Variants in XG observed in about 807,000 individuals in gnomAD.
The protein encoded by XG is glycoprotein Xg.
XG carries 24 observed loss-of-function variants against 25.7 expected under a neutral mutation model. The ratio of observed to expected loss-of-function variants is 0.93; its 90% confidence interval spans 0.68 to 1.31. The LOEUF is 1.31. XG is among the 40% of genes most tolerant of loss of function. XG has a pLI of 0.00. For missense variants in XG, 181 were observed against 187.6 expected (o/e 0.96, Z 0.21); for synonymous variants, 77 against 69.2 (o/e 1.11, Z -0.56).
intron 3 of XG, among the ~76,000 whole-genome samples, chrX:2,777,376 G>T (rs923600702): frequency 7.2e-5 from 11 of 152,058 alleles, no homozygotes; most frequent in South Asian, 4.1e-4. Context: ...TGAACTAGTG[G>T]ATGAAAATGA....
intron 7 of XG, among the ~76,000 whole-genome samples, chrX:2,804,709 C>G (rs1349827881): frequency 9.0e-6 from 1 of 111,712 alleles, no homozygotes; most frequent in African/African-American, 3.2e-5. Flanking sequence ...GAGCCCTGAT[C>G]GTTTCCTGTT....
intron 3 of XG, among the ~76,000 whole-genome samples, chrX:2,778,775 CT>C (rs1177625639): frequency 0.1 from 13,970 of 139,986 alleles, 634 homozygotes; most frequent in Middle Eastern, 0.15. Flanking sequence ...TCATGCGATA[CT>C]TTTTTTTTTT....
At chrX:2,765,418 C>A (rs1257115897) in intron 1 of XG, among the ~76,000 whole-genome samples, 1 of 115,556 alleles carries the variant, frequency 8.7e-6, no homozygotes, top group Non-Finnish European at 2.0e-5. Flanking sequence ...AGGAAGGAAA[C>A]AATTGCTTGA....
At chrX:2,788,336 A>C (rs1438089779) in intron 4 of XG, among the ~76,000 whole-genome samples, 4 of 112,521 alleles carry the variant, frequency 3.6e-5, no homozygotes, top group African/African-American at 1.3e-4. Flanking sequence ...GTCCAGCGAC[A>C]AAAAGGTGCT....
Position 2,774,591 on chromosome X carries a change from T to C in XG, c.104-125T>C. On this transcript the variant is annotated intron_variant, in intron 2 of 10. Transcript: ENST00000644266. ...CAATTCAACATGGAATTTGTGTCTATATCATTTACTTTGTATGGCTTTGTC... is the reference window on the plus strand; with the variant it reads ...CAATTCAACATGGAATTTGTGTCTACATCATTTACTTTGTATGGCTTTGTC... 4 of 1,040,556 alleles carry C rather than the reference T, an allele frequency of 3.8e-6. No individual in the cohort carries two copies. In the Admixed American group the frequency reaches 7.4e-5, roughly 19 times the overall value. 64.5% of individuals were successfully genotyped at this position (1,040,556 alleles called of 1,614,324 possible).
chrX:2,767,437 GGGGTTTA>G (rs1318153856), intron 1 of XG, among the ~76,000 whole-genome samples: 8 of 152,206 alleles, frequency 5.3e-5, no homozygotes, highest in Admixed American at 5.2e-4. Flanking sequence ...TTTCTTCTTG[GGGGTTTA>G]GGGATCCCAG....
chrX:2,765,523 G>C (rs765749616), intron 1 of XG, among the ~76,000 whole-genome samples: 1 of 152,164 alleles, frequency 6.6e-6, no homozygotes, highest in Non-Finnish European at 1.5e-5. Context: ...GTGGTTGCAC[G>C]TCCCGTAATG....
chrX:2,779,783 A>G (rs1156686102), intron 3 of XG, among the ~76,000 whole-genome samples: 14 of 152,066 alleles, frequency 9.2e-5, no homozygotes, highest in Non-Finnish European at 1.5e-4. Context: ...AGTAGCTGGG[A>G]TTACAGGTAT....
chrX:2,770,848 T>G (rs1342426026), intron 2 of XG, among the ~76,000 whole-genome samples: 1 of 152,090 alleles, frequency 6.6e-6, no homozygotes, highest in African/African-American at 2.4e-5. Context: ...TTATTTTATT[T>G]TACTTTATTT....
chrX:2,759,482 C>T (rs1169555233), intron 1 of XG, among the ~76,000 whole-genome samples: 3 of 152,266 alleles, frequency 2.0e-5, no homozygotes, highest in South Asian at 4.1e-4. Flanking sequence ...ATCTTACTGT[C>T]AGAATGCACT....
chrX:2,759,839 C>T (rs370592733), intron 1 of XG, among the ~76,000 whole-genome samples: 4 of 152,196 alleles, frequency 2.6e-5, no homozygotes, highest in East Asian at 1.9e-4. Flanking sequence ...GGGATTCCCC[C>T]GATGGATCAG....
rs1351459343 is a variant in XG at position 2,774,699 on chromosome X, T to A, written c.104-17T>A. On this transcript the variant is annotated splice_polypyrimidine_tract_variant and intron_variant, in intron 2 of 10. Transcript: ENST00000644266. ...TCTTCAATGCATATTGCATTTATTT[T>A]CTCTCTTTGTTCACAGAACCCACCA... The A allele has an allele frequency of 1.2e-6, 2 of 1,613,818 alleles. No individual in the cohort carries two copies. Among genetic ancestry groups the A allele is most frequent in the Non-Finnish European group, 1.7e-6 (2 of 1,179,852 alleles).
chrX:2,807,262 GTGTC>G (rs756819127), intron 8 of XG, among the ~76,000 whole-genome samples: 6 of 113,247 alleles, frequency 5.3e-5, no homozygotes, highest in Non-Finnish European at 1.1e-4. Flanking sequence ...TTTCCCATGT[GTGTC>G]CATTCACATG....
At chrX:2,795,521 A>C (rs1022731810) in intron 6 of XG, among the ~76,000 whole-genome samples, 11 of 108,345 alleles carry the variant, frequency 1.0e-4, no homozygotes, top group Non-Finnish European at 1.7e-4. Context: ...AAATGCCTTT[A>C]TATACGTACA....
At chrX:2,753,234 T>G (rs1470112168) in intron 1 of XG, among the ~76,000 whole-genome samples, 3 of 152,122 alleles carry the variant, frequency 2.0e-5, no homozygotes, top group South Asian at 2.1e-4. Context: ...TAGTCTAGGA[T>G]CTGCAGTGAG....
chrX:2,787,284 G>C (rs1341315004), intron 4 of XG, among the ~76,000 whole-genome samples: 1 of 111,354 alleles, frequency 9.0e-6, no homozygotes, highest in Admixed American at 9.6e-5. Flanking sequence ...GACACACACA[G>C]AGGGACGACC....
chrX:2,796,343 A>C (rs1397831762), intron 6 of XG, among the ~76,000 whole-genome samples: 1 of 109,185 alleles, frequency 9.2e-6, no homozygotes, highest in African/African-American at 3.3e-5. Flanking sequence ...ATATATATGC[A>C]TATATAGCTT....
At chrX:2,766,708 G>C (rs1376995114) in intron 1 of XG, among the ~76,000 whole-genome samples, 2 of 151,108 alleles carry the variant, frequency 1.3e-5, no homozygotes, top group African/African-American at 2.4e-5. Flanking sequence ...GGGACTACAG[G>C]CGCCCGCCAC....
intron 2 of XG, among the ~76,000 whole-genome samples, chrX:2,772,513 C>G (rs1436395835): frequency 6.6e-6 from 1 of 152,044 alleles, no homozygotes; most frequent in Non-Finnish European, 1.5e-5. Flanking sequence ...TAGGCAAATT[C>G]AGAGAGACAG....
Sources: allele counts gnomAD v4.1 joint callset (sites outside exome capture counted in the v4.1 genomes callset), GRCh38; gene constraint gnomAD v4.1.1; transcripts MANE v1.5; gene names NCBI Gene and HGNC (gene_info 2026-07-23, HGNC 2026-07-21).